DMD: variants seen among roughly 807,000 people sequenced by gnomAD.
DMD encodes the protein mutant dystrophin.
DMD carries 63 observed loss-of-function variants against 330.1 expected under a neutral mutation model. The observed-to-expected ratio is 0.19, with a 90% CI of 0.16 to 0.24. The LOEUF is 0.24. Ranked by LOEUF, DMD falls within the 10% of genes least tolerant of loss-of-function variation. DMD has a pLI of 1.00. For synonymous variants in DMD, 1,223 were observed against 959.8 expected (o/e 1.27, Z -5.07); for missense variants, 3,344 against 2,684.1 (o/e 1.25, Z -5.43).
chrX:33,286,204 G>A (rs1043972505), intron 1 of DMD, among the ~76,000 whole-genome samples: 5 of 110,772 alleles, frequency 4.5e-5, no homozygotes, highest in African/African-American at 1.6e-4. Context: ...AACAACAATA[G>A]CTTTTATAAA....
At chrX:32,690,274 C>G (rs1432293401) in intron 9 of DMD, among the ~76,000 whole-genome samples, 1 of 110,057 alleles carries the variant, frequency 9.1e-6, no homozygotes, top group Admixed American at 9.7e-5. Context: ...ACAAGAGCAC[C>G]AAAAAGAAAA....
chrX:31,978,655 T>G (rs1279679396), intron 44 of DMD, among the ~76,000 whole-genome samples: 1 of 111,779 alleles, frequency 8.9e-6, no homozygotes, highest in African/African-American at 3.3e-5. Flanking sequence ...TTCCAATTCT[T>G]CATCCATGCT....
intron 17 of DMD, among the ~76,000 whole-genome samples, chrX:32,532,667 A>G (rs112685736): frequency 8.9e-6 from 1 of 112,585 alleles, no homozygotes; most frequent in Admixed American, 9.4e-5. Context: ...ATTGTTATTA[A>G]TATCTTCCAT....
intron 41 of DMD, among the ~76,000 whole-genome samples, chrX:32,334,976 C>T (rs2097698394): frequency 9.0e-6 from 1 of 111,177 alleles, no homozygotes; most frequent in Non-Finnish European, 1.9e-5. Context: ...TTCCATTTCT[C>T]AGATGTATCC....
intron 49 of DMD, among the ~76,000 whole-genome samples, chrX:31,825,792 T>C (rs2092881461): frequency 8.9e-6 from 1 of 111,773 alleles, no homozygotes; most frequent in Non-Finnish European, 1.9e-5. Context: ...AGTCTTAGGT[T>C]TCGTTCCTAA....
chrX:32,369,046 G>A (rs997824278), intron 34 of DMD, among the ~76,000 whole-genome samples: 10 of 111,015 alleles, frequency 9.0e-5, no homozygotes, highest in African/African-American at 3.3e-4. Flanking sequence ...CTATATACTT[G>A]GCACTAAGGG....
intron 44 of DMD, among the ~76,000 whole-genome samples, chrX:31,968,978 A>C (rs1165217234): frequency 1.8e-5 from 2 of 111,395 alleles, no homozygotes; most frequent in Non-Finnish European, 3.8e-5. Flanking sequence ...TTAAAAAAAA[A>C]CTCTAGAGAT....
At chrX:32,085,707 C>T (rs376823403) in intron 44 of DMD, among the ~76,000 whole-genome samples, 15 of 79,662 alleles carry the variant, frequency 1.9e-4, no homozygotes, top group South Asian at 1.7e-3. Flanking sequence ...TATACACACG[C>T]GTATATATAT....
At chrX:32,658,919 A>G (rs918028681) in intron 9 of DMD, among the ~76,000 whole-genome samples, 4 of 112,004 alleles carry the variant, frequency 3.6e-5, no homozygotes, top group African/African-American at 1.3e-4. Flanking sequence ...TTTTAATTTC[A>G]CACTCTTGGT....
intron 2 of DMD, among the ~76,000 whole-genome samples, chrX:32,990,917 C>G (rs1176095985): frequency 9.0e-6 from 1 of 111,145 alleles, no homozygotes; most frequent in Non-Finnish European, 1.9e-5. Context: ...ATTCCATATA[C>G]CAAGCTTTAT....
At chrX:32,591,803 G>C (rs890748513) in intron 13 of DMD, among the ~76,000 whole-genome samples, 1 of 112,960 alleles carries the variant, frequency 8.9e-6, no homozygotes, top group South Asian at 3.6e-4. Flanking sequence ...GCATTCCTGC[G>C]CTCTTGGGGG....
intron 1 of DMD, among the ~76,000 whole-genome samples, chrX:33,255,084 G>A (rs777609446): frequency 2.4e-4 from 26 of 110,377 alleles, no homozygotes; most frequent in Non-Finnish European, 4.2e-4. Context: ...GATATCTATG[G>A]CACTCTATTG....
intron 50 of DMD, among the ~76,000 whole-genome samples, chrX:31,782,840 T>C (rs1436890637): frequency 8.9e-6 from 1 of 111,988 alleles, no homozygotes; most frequent in Non-Finnish European, 1.9e-5. Context: ...GAATGGAAGA[T>C]TCACATAGTC....
At chrX:31,706,412 A>C (rs181727999) in intron 52 of DMD, among the ~76,000 whole-genome samples, 185 of 111,692 alleles carry the variant, frequency 1.7e-3, no homozygotes, top group African/African-American at 6.0e-3. Flanking sequence ...ATACTCTTAT[A>C]TAATTATTAA....
At chrX:33,136,018 T>C (rs1003340028) in intron 1 of DMD, among the ~76,000 whole-genome samples, 19 of 111,407 alleles carry the variant, frequency 1.7e-4, no homozygotes, top group African/African-American at 6.2e-4. Flanking sequence ...TATTATTTTG[T>C]ATTATAAAAA....
In DMD at chrX:31,679,503, A is replaced by C; in HGVS notation, c.7744T>G (p.Ser2582Ala). 1 of 1,211,660 alleles carries C rather than the reference A, an allele frequency of 8.3e-7. No individual in the cohort carries two copies. The highest frequency in any genetic ancestry group is 1.1e-6 in the Non-Finnish European group (1 of 895,442). The change falls in exon 53 of 79, where the codon TCA becomes GCA. Residue 2582 changes from serine to alanine, a missense_variant. Physicochemically the swap from Ser to Ala is moderately conservative, Grantham distance 99. Transcript: ENST00000357033. Reference sequence around the variant, plus strand: ...TCCTTAGCTTCCAGCCATTGTGTTGAATCCTTTAACATTTCATTCAACTGT... The same window carrying C: ...TCCTTAGCTTCCAGCCATTGTGTTGCATCCTTTAACATTTCATTCAACTGT... ...RQQLNEMLKD[S>A]TQWLEAKEEA...
chrX:32,647,299 C>T (rs1299439144), intron 9 of DMD, among the ~76,000 whole-genome samples: 1 of 111,897 alleles, frequency 8.9e-6, no homozygotes, highest in African/African-American at 3.2e-5. Flanking sequence ...TTGCATATAG[C>T]ATTTTCAATG....
chrX:31,307,624 G>GA (rs1163912750), intron 62 of DMD, among the ~76,000 whole-genome samples: 94 of 109,811 alleles, frequency 8.6e-4, no homozygotes, highest in Non-Finnish European at 1.4e-3. Flanking sequence ...AACTATGTGT[G>GA]AAAAAAAAAT....
At chrX:33,022,702 T>A (rs916673713) in intron 1 of DMD, among the ~76,000 whole-genome samples, 1 of 111,456 alleles carries the variant, frequency 9.0e-6, no homozygotes, top group African/African-American at 3.2e-5. Flanking sequence ...AGCTATTAAG[T>A]GACAGAAATG....
Sources: gnomAD v4.1 joint callset for allele counts (sites outside exome capture counted in the v4.1 genomes callset) on GRCh38, gnomAD v4.1.1 for gene constraint, MANE v1.5 for transcripts, NCBI Gene and HGNC (gene_info 2026-07-23, HGNC 2026-07-21) for gene names.